Variants in SEL1L3 observed in about 807,000 individuals in gnomAD.
The protein encoded by SEL1L3 is SEL1L family member 3, also known as protein sel-1 homolog 3.
A neutral mutation model predicts 142.8 loss-of-function variants in SEL1L3; 76 were observed. That is an observed-to-expected ratio of 0.53 (90% CI 0.44 to 0.64). The LOEUF (loss-of-function observed/expected upper bound fraction) is 0.64, where lower values mean the gene tolerates loss of function less well. SEL1L3 is among the 30% of genes least tolerant of loss of function. The pLI, the probability that SEL1L3 is intolerant of heterozygous loss-of-function variation, is 0.00. For synonymous variants in SEL1L3, 504 were observed against 519.6 expected (o/e 0.97, Z 0.41); for missense variants, 1,262 against 1,381.7 (o/e 0.91, Z 1.37).
rs558503014 is a variant in SEL1L3 at position 25,815,407 on chromosome 4, T to C, written c.1564+2731A>G. Among the ~76,000 whole-genome samples, 6 of 152,312 alleles carry C rather than the reference T, an allele frequency of 3.9e-5. No homozygotes were observed. The East Asian group carries it at 1.2e-3, about 29-fold the overall frequency. ...TAAGGGGACTTATGATTGGGGTTTT[T>C]AATTAGATTTCATTGCCAGGCCTCC... On this transcript the variant is annotated intron_variant, in intron 9 of 23. Transcript: ENST00000399878.
intron 11 of SEL1L3, among the ~76,000 whole-genome samples, chr4:25,792,027 G>A (rs1712372968): frequency 6.6e-6 from 1 of 152,046 alleles, no homozygotes; most frequent in South Asian, 2.1e-4. Flanking sequence ...CCTTTCCAGG[G>A]GGACTCGGGG....
At chr4:25,862,606 C>A in intron 1 of SEL1L3, 69 bp downstream of exon 1, 1 of 882,762 alleles carries the variant, frequency 1.1e-6, no homozygotes, top group Non-Finnish European at 1.5e-6. Flanking sequence ...CGGGTGTCCC[C>A]GGCCGCCCCC....
the SEL1L3 span, among the ~76,000 whole-genome samples, chr4:25,726,249 G>C: frequency 6.6e-6 from 1 of 150,788 alleles, no homozygotes; most frequent in African/African-American, 2.4e-5. Context: ...AAAAAATTTG[G>C]CCTGGCACGA....
chr4:25,828,159 C>T (rs1339536039), intron 6 of SEL1L3, among the ~76,000 whole-genome samples: 2 of 152,170 alleles, frequency 1.3e-5, no homozygotes, highest in African/African-American at 4.8e-5. Context: ...CCACCCGCAC[C>T]CTCTCTTTGC....
chr4:25,761,051 T>G (rs1718340076), intron 20 of SEL1L3, among the ~76,000 whole-genome samples: 1 of 152,118 alleles, frequency 6.6e-6, no homozygotes, highest in Admixed American at 6.6e-5. Context: ...TCTAAATAGA[T>G]GAAGCGTTAA....
At chr4:25,717,215 C>A in the SEL1L3 span, among the ~76,000 whole-genome samples, 150 of 152,102 alleles carry the variant, frequency 9.9e-4, no homozygotes, top group East Asian at 0.02. Context: ...ATAAAAAAAA[C>A]CCCATTAAAT....
chr4:25,748,194 C>A lies in SEL1L3; in HGVS notation c.*231G>T. On this transcript the variant is annotated 3_prime_UTR_variant, in exon 24 of 24. Coordinates refer to ENST00000399878, the MANE Select transcript of SEL1L3 (RefSeq NM_015187.5). ...TGGCCCAGTAAACTTCCCCACATGC[C>A]CTATGATCAAGATGTTCCTTGTATG... 2.0e-6 allele frequency: 1 copy of A among 512,738 alleles called. No homozygotes were observed. The allele number at this position is 512,738 out of a possible 1,614,324, so 31.8% of individuals were successfully genotyped here.
chr4:25,858,061 G>A (rs1008256885), intron 1 of SEL1L3, among the ~76,000 whole-genome samples: 1 of 152,222 alleles, frequency 6.6e-6, no homozygotes, highest in African/African-American at 2.4e-5. Flanking sequence ...CCTTTCTCAG[G>A]GGAATGGCAT....
chr4:25,779,244 G>T (rs1370744875), intron 15 of SEL1L3, 41 bp from the exon 16 acceptor site: 1 of 1,606,826 alleles, frequency 6.2e-7, no homozygotes, highest in Admixed American at 1.7e-5. Flanking sequence ...ATCCTAGCTG[G>T]GCTGGTTTCG....
the SEL1L3 span, among the ~76,000 whole-genome samples, chr4:25,717,107 A>G: frequency 6.6e-6 from 1 of 152,186 alleles, no homozygotes; most frequent in African/African-American, 2.4e-5. Context: ...AGCCTGGATG[A>G]CAGAGTGAGA....
chr4:25,733,177 A>G, the SEL1L3 span, among the ~76,000 whole-genome samples: 1 of 152,090 alleles, frequency 6.6e-6, no homozygotes, highest in Non-Finnish European at 1.5e-5. Context: ...CCAGATTTTC[A>G]CTGGCATTGC....
chr4:25,835,299 G>C lies in SEL1L3; in HGVS notation c.758C>G (p.Pro253Arg), dbSNP rs1560344367. 3.7e-6 allele frequency: 6 copies of C among 1,613,982 alleles called. No homozygotes were observed. Among genetic ancestry groups the C allele is most frequent in the Non-Finnish European group, 5.1e-6 (6 of 1,179,870 alleles). ...ENDVVALLGF[P>R]YASSGENTGI... The stretch of plus-strand genomic sequence containing the variant: ...TGTGTTTTCTCCACTGGAGGCATAA[G>C]GAAAGCCAAGCAGGGCAACCACATC... Residue 253 changes from proline (P) to arginine (R), a missense_variant, in exon 3 of 24, where the codon CCT becomes CGT. Coordinates refer to ENST00000399878, the MANE Select transcript of SEL1L3 (RefSeq NM_015187.5).
the SEL1L3 span, among the ~76,000 whole-genome samples, chr4:25,732,038 C>T: frequency 1.3e-5 from 2 of 152,184 alleles, no homozygotes; most frequent in East Asian, 3.9e-4. Context: ...CACAGCACTG[C>T]ACTCCAGCCT....
intron 6 of SEL1L3, among the ~76,000 whole-genome samples, chr4:25,825,971 C>G (rs1215392830): frequency 6.6e-6 from 1 of 151,958 alleles, no homozygotes; most frequent in Non-Finnish European, 1.5e-5. Context: ...CACGCCCGGC[C>G]GGCCTGGTCT....
chr4:25,717,186 T>A, the SEL1L3 span, among the ~76,000 whole-genome samples: 1 of 151,994 alleles, frequency 6.6e-6, no homozygotes, highest in African/African-American at 2.4e-5. Flanking sequence ...ACACCTACTA[T>A]GTAGCACAAA....
At chr4:25,846,787 T>A (rs1560354011) in intron 2 of SEL1L3, among the ~76,000 whole-genome samples, 1 of 151,600 alleles carries the variant, frequency 6.6e-6, no homozygotes, top group Non-Finnish European at 1.5e-5. Flanking sequence ...TGGGTGCCTG[T>A]AATCCCAGCT....
In SEL1L3 at chr4:25,802,381, T is replaced by C; in HGVS notation, c.1858A>G (p.Ile620Val). 1 of 1,613,784 alleles carries C rather than the reference T, an allele frequency of 6.2e-7. No individual in the cohort carries two copies. The highest frequency in any genetic ancestry group is 8.5e-7 in the Non-Finnish European group (1 of 1,179,748). ...TCCCAGTCCAGGGGGTAGTTGTCAA[T>C]ACCCTGGTAGTGTTTATACCCAAGA... The part of the protein sequence containing the change: ...MNLGYKHYQG[I>V]DNYPLDWELS... The change falls in exon 11 of 24, where the codon ATT becomes GTT. Residue 620 changes from isoleucine (I) to valine (V), a missense_variant. By Grantham distance (29) the Ile-to-Val change is conservative. Around this residue, in one of 3 missense-constraint regions of SEL1L3, gnomAD observed 435 missense variants for 559.2 expected, o/e 0.78. Coordinates refer to ENST00000399878, the MANE Select transcript of SEL1L3 (RefSeq NM_015187.5).
At chr4:25,784,327 T>C in intron 13 of SEL1L3, 37 bp from the exon 14 acceptor site, 1 of 1,525,482 alleles carries the variant, frequency 6.6e-7, no homozygotes, top group Non-Finnish European at 9.1e-7. Flanking sequence ...ACAAAGAAAA[T>C]ACAACCAGAC....
chr4:25,811,095 C>T (rs907928459), intron 9 of SEL1L3, among the ~76,000 whole-genome samples: 3 of 152,270 alleles, frequency 2.0e-5, no homozygotes, highest in South Asian at 4.2e-4. Flanking sequence ...GTGGTCGCCC[C>T]AGGGCCTGGC....
Sources: gnomAD v4.1 joint callset for allele counts (sites outside exome capture counted in the v4.1 genomes callset) on GRCh38, gnomAD v4.1.1 for gene constraint, gnomAD v4.1.1 regional missense constraint, MANE v1.5 for transcripts, NCBI Gene and HGNC (gene_info 2026-07-23, HGNC 2026-07-21) for gene names.